TENM4: variants seen among roughly 807,000 people sequenced by gnomAD.
TENM4 encodes the protein teneurin-4.
A neutral mutation model predicts 243.3 loss-of-function variants in TENM4; 82 were observed. The observed-to-expected ratio is 0.34, with a 90% CI of 0.28 to 0.40. The LOEUF (loss-of-function observed/expected upper bound fraction) is 0.40, where lower values mean the gene tolerates loss of function less well. Ranked by LOEUF, TENM4 falls within the 10% of genes least tolerant of loss-of-function variation. The pLI is 1.00. For missense variants in TENM4, 3,138 were observed against 3,673.3 expected, an observed-to-expected ratio of 0.85 and a Z score of 3.77; for synonymous variants, 1,412 against 1,456.3, an observed-to-expected ratio of 0.97 and a Z score of 0.69.
chr11:78,831,027 C>T (rs1394552946), intron 12 of TENM4, among the ~76,000 whole-genome samples: 1 of 152,156 alleles, frequency 6.6e-6, no homozygotes, highest in Admixed American at 6.5e-5. Context: ...ATAACTCTTA[C>T]CCCAGCATTA....
At chr11:78,955,103 T>C (rs1185007047) in intron 6 of TENM4, among the ~76,000 whole-genome samples, 2 of 152,216 alleles carry the variant, frequency 1.3e-5, no homozygotes, top group East Asian at 1.9e-4. Context: ...GCCTCACATG[T>C]TGGACTGACC....
Position 79,379,355 on chromosome 11 carries a change from G to A in TENM4, c.-321+61154C>T, listed in dbSNP as rs534307213. ...CCTACTTTGAGGGTTTTTATGCAGGGGAGTGAGGCTGTTATAGCCGTGTTA... is the reference window on the plus strand; with the variant it reads ...CCTACTTTGAGGGTTTTTATGCAGGAGAGTGAGGCTGTTATAGCCGTGTTA... On this transcript the variant is annotated intron_variant, in intron 1 of 33. Transcript: ENST00000278550. 3.3e-5 allele frequency among the ~76,000 whole-genome samples: 5 copies of A among 152,272 alleles called. No homozygotes were observed. In the South Asian group the frequency reaches 8.3e-4, roughly 25 times the overall value.
intron 4 of TENM4, among the ~76,000 whole-genome samples, chr11:79,126,417 A>C (rs1425278489): frequency 2.0e-5 from 3 of 152,216 alleles, no homozygotes; most frequent in Admixed American, 2.0e-4. Context: ...CAAAATTTAA[A>C]TATAGTGGGA....
chr11:79,301,967 G>A (rs958583639), intron 1 of TENM4, among the ~76,000 whole-genome samples: 1 of 152,126 alleles, frequency 6.6e-6, no homozygotes, highest in African/African-American at 2.4e-5. Context: ...TATAAATTAC[G>A]CAGTCTCAGG....
intron 6 of TENM4, among the ~76,000 whole-genome samples, chr11:79,058,400 C>T (rs961456415): frequency 6.6e-6 from 1 of 151,996 alleles, no homozygotes; most frequent in African/African-American, 2.4e-5. Context: ...AAAAAATTAG[C>T]CAGGTGTGGT....
intron 20 of TENM4, among the ~76,000 whole-genome samples, chr11:78,736,154 G>A (rs1285569595): frequency 6.6e-6 from 1 of 151,856 alleles, no homozygotes; most frequent in African/African-American, 2.4e-5. Context: ...ACATGGTTTT[G>A]CCATGCTGCC....
intron 4 of TENM4, among the ~76,000 whole-genome samples, chr11:79,103,308 G>C (rs1861280639): frequency 6.6e-6 from 1 of 152,076 alleles, no homozygotes; most frequent in African/African-American, 2.4e-5. Flanking sequence ...ATAAAATAAT[G>C]TTGTATGATT....
intron 29 of TENM4, among the ~76,000 whole-genome samples, chr11:78,684,359 A>T (rs1401568555): frequency 6.6e-6 from 1 of 152,264 alleles, no homozygotes; most frequent in African/African-American, 2.4e-5. Context: ...GGATGCTCTG[A>T]GGATTGAGTG....
At chr11:78,819,056 T>C (rs553220195) in intron 12 of TENM4, among the ~76,000 whole-genome samples, 2 of 152,140 alleles carry the variant, frequency 1.3e-5, no homozygotes. Context: ...GCTCATTCTC[T>C]GGACATGTGT....
chr11:78,964,907 A>T (rs1361954392), intron 6 of TENM4, among the ~76,000 whole-genome samples: 1 of 151,934 alleles, frequency 6.6e-6, no homozygotes, highest in Non-Finnish European at 1.5e-5. Flanking sequence ...GGTCTCTGTC[A>T]CCCAGTCTGG....
intron 6 of TENM4, among the ~76,000 whole-genome samples, chr11:78,940,806 G>T (rs368904771): frequency 2.0e-5 from 3 of 152,172 alleles, no homozygotes; most frequent in African/African-American, 7.2e-5. Flanking sequence ...TGTTTCCAGG[G>T]CACAGGTGTG....
intron 6 of TENM4, 147 bp downstream of exon 6, chr11:79,064,591 A>G (rs1860190556): frequency 5.5e-6 from 6 of 1,089,672 alleles, no homozygotes; most frequent in African/African-American, 1.6e-5. Flanking sequence ...TGACTCTCCA[A>G]GAGACTCTGA....
chr11:79,001,113 G>A (rs1386461699), intron 6 of TENM4, among the ~76,000 whole-genome samples: 1 of 152,182 alleles, frequency 6.6e-6, no homozygotes, highest in Non-Finnish European at 1.5e-5. Context: ...TCAAAAGGCT[G>A]ATATTGTGAC....
chr11:79,016,349 GAC>G (rs1239342113), intron 6 of TENM4, among the ~76,000 whole-genome samples: 1 of 152,110 alleles, frequency 6.6e-6, no homozygotes, highest in East Asian at 1.9e-4. Context: ...TGGTGATTTA[GAC>G]ACAGAAGATG....
intron 6 of TENM4, among the ~76,000 whole-genome samples, chr11:78,917,221 GCAGAGCC>G (rs1458813612): frequency 2.6e-5 from 4 of 152,188 alleles, no homozygotes; most frequent in Non-Finnish European, 4.4e-5. Flanking sequence ...TGCCCAGGTG[GCAGAGCC>G]CATAAACAGA....
At chr11:78,947,395 T>C (rs1857022500) in intron 6 of TENM4, among the ~76,000 whole-genome samples, 1 of 152,188 alleles carries the variant, frequency 6.6e-6, no homozygotes, top group South Asian at 2.1e-4. Flanking sequence ...TGTGTGTGAC[T>C]GGATTGTGGT....
intron 12 of TENM4, among the ~76,000 whole-genome samples, chr11:78,843,262 G>T (rs1858304773): frequency 6.6e-6 from 1 of 151,660 alleles, no homozygotes; most frequent in Admixed American, 6.6e-5. Context: ...TGGGTGACAA[G>T]AATGAGACTC....
At chr11:79,068,063 C>G (rs1021424068) in intron 5 of TENM4, 5 of 152,258 alleles carry the variant, frequency 3.3e-5, no homozygotes, top group African/African-American at 1.2e-4. Context: ...GCCTCATGTG[C>G]TAGGTCCAAG....
At chr11:78,817,367 T>C (rs1253363397) in intron 12 of TENM4, among the ~76,000 whole-genome samples, 1 of 152,214 alleles carries the variant, frequency 6.6e-6, no homozygotes, top group Non-Finnish European at 1.5e-5. Context: ...CACTCAGTGT[T>C]GTCTCTGCTA....
Sources: gnomAD v4.1 joint callset for allele counts (sites outside exome capture counted in the v4.1 genomes callset) on GRCh38, gnomAD v4.1.1 for gene constraint, MANE v1.5 for transcripts, NCBI Gene and HGNC (gene_info 2026-07-23, HGNC 2026-07-21) for gene names.